NCBP2L: variants seen among roughly 807,000 people sequenced by gnomAD.
NCBP2L encodes nuclear cap-binding protein subunit 2-like.
For synonymous variants in NCBP2L, 39 were observed against 19.2 expected, an observed-to-expected ratio of 2.04 and a Z score of -2.70; for missense variants, 95 against 53.1, an observed-to-expected ratio of 1.79 and a Z score of -2.45.
intron 1 of NCBP2L, among the ~76,000 whole-genome samples, chrX:107,781,839 T>G (rs867302117): frequency 6.2e-4 from 61 of 97,786 alleles, no homozygotes; most frequent in African/African-American, 1.1e-3. Context: ...GAGAGATATA[T>G]ATATTTATAT....
intron 1 of NCBP2L, among the ~76,000 whole-genome samples, chrX:107,781,472 ATT>A (rs769639335): frequency 0.013 from 925 of 73,848 alleles, 15 homozygotes; most frequent in African/African-American, 0.058. Flanking sequence ...CGCCCGGCTA[ATT>A]TTTTTTTTTT....
chrX:107,780,969 A>G (rs1373510322), intron 1 of NCBP2L, among the ~76,000 whole-genome samples: 1 of 110,115 alleles, frequency 9.1e-6, no homozygotes, highest in East Asian at 2.8e-4. Context: ...TCTGTTGCCC[A>G]GAGCTGGAGT....
At chrX:107,781,692 C>CTCTATATATATATA (rs1395038482) in intron 1 of NCBP2L, among the ~76,000 whole-genome samples, 4 of 66,917 alleles carry the variant, frequency 6.0e-5, no homozygotes, top group Non-Finnish European at 1.0e-4. Context: ...CTCTCTCTCT[C>CTCTATATATATATA]TATATATATA....
rs1364481581 is a variant in NCBP2L, at chrX:107,795,262, A to G, written c.*580A>G. ...TTTGTTTCTTGGTAGTTTCCTCCAT[A>G]TCTCCAAATAACATGACTACTTACT... On this transcript the variant is annotated 3_prime_UTR_variant, in exon 2 of 2. Coordinates refer to ENST00000509000, the MANE Select transcript of NCBP2L (RefSeq NM_001348372.2). 7 of 111,918 alleles carry G rather than the reference A, an allele frequency of 6.3e-5. No individual in the cohort carries two copies. The highest frequency in any genetic ancestry group is 1.3e-4 in the Non-Finnish European group (7 of 53,315). The allele number at this position is 111,918 out of a possible 1,213,427, so 9.2% of individuals were successfully genotyped here.
At position 107,793,145 on chromosome X, in the gene NCBP2L, T is replaced by G. The variant is rs1315852676; in HGVS notation, c.-72-1004T>G. Among the ~76,000 whole-genome samples, 5 of 112,180 alleles carry G rather than the reference T, an allele frequency of 4.5e-5. No homozygotes were observed. The Admixed American group carries it at 4.7e-4, about 11-fold the overall frequency. On this transcript the variant is annotated intron_variant, in intron 1 of 1. Transcript: ENST00000509000. ...GCAAGTAGAGTGCTTATTAAATGTT[T>G]GTTAAGGGAATGCACTTCCTTAGCA...
chrX:107,782,385 ACC>A (rs1451782982), intron 1 of NCBP2L, among the ~76,000 whole-genome samples: 4 of 65,862 alleles, frequency 6.1e-5, no homozygotes, highest in Middle Eastern at 6.6e-3. Flanking sequence ...ATATATATAT[ACC>A]CACACATATA....
At chrX:107,783,855 C>CGTGTGT (rs1331533982) in intron 1 of NCBP2L, among the ~76,000 whole-genome samples, 3 of 79,857 alleles carry the variant, frequency 3.8e-5, no homozygotes, top group Admixed American at 1.3e-4. Context: ...GTCTGGTGTG[C>CGTGTGT]GTATGTGTGT....
At chrX:107,790,062 G>T (rs893862957) in intron 1 of NCBP2L, among the ~76,000 whole-genome samples, 1 of 109,973 alleles carries the variant, frequency 9.1e-6, no homozygotes, top group Non-Finnish European at 1.9e-5. Flanking sequence ...ATTCCAATCT[G>T]CCCTTCCTCC....
rs551147428 is a variant in NCBP2L, at chrX:107,789,686, C to T, written c.-72-4463C>T. 9.9e-4 allele frequency among the ~76,000 whole-genome samples: 111 copies of T among 111,739 alleles called. 4 individuals are homozygous for T. The South Asian group carries it at 0.042, about 42-fold the overall frequency. On this transcript the variant is annotated intron_variant, in intron 1 of 1. Coordinates refer to ENST00000509000, the MANE Select transcript of NCBP2L (RefSeq NM_001348372.2). ...AACATAATTGATTGCTCTCACCCTA[C>T]TTCTGTCCTCATGACTCTCATGACC...
chrX:107,780,221 C>T (rs1930247798), intron 1 of NCBP2L, among the ~76,000 whole-genome samples: 1 of 111,271 alleles, frequency 9.0e-6, no homozygotes, highest in African/African-American at 3.3e-5. Flanking sequence ...CCTGGGCATG[C>T]TAGCGTGCAT....
chrX:107,778,016 T>C (rs867191113), intron 1 of NCBP2L, among the ~76,000 whole-genome samples, 158 bp downstream of exon 1: 1 of 103,586 alleles, frequency 9.7e-6, no homozygotes, highest in Non-Finnish European at 2.0e-5. Context: ...TCTTCGCTTT[T>C]TTTTTTTTTA....
intron 1 of NCBP2L, among the ~76,000 whole-genome samples, chrX:107,779,733 C>T (rs946403525): frequency 1.2e-5 from 1 of 83,220 alleles, no homozygotes; most frequent in Non-Finnish European, 2.2e-5. Flanking sequence ...CAGCCTATCC[C>T]CTGAATTTTT....
At chrX:107,781,365 G>A (rs1462934769) in intron 1 of NCBP2L, among the ~76,000 whole-genome samples, 2 of 108,491 alleles carry the variant, frequency 1.8e-5, no homozygotes, top group Non-Finnish European at 3.8e-5. Flanking sequence ...GACTACAGGC[G>A]TGCAATCTCT....
chrX:107,792,113 C>G (rs963719194), intron 1 of NCBP2L, among the ~76,000 whole-genome samples: 1 of 112,277 alleles, frequency 8.9e-6, no homozygotes, highest in African/African-American at 3.2e-5. Flanking sequence ...GAGCCTTTGG[C>G]TCTCTGCTAG....
intron 1 of NCBP2L, among the ~76,000 whole-genome samples, chrX:107,786,883 A>G (rs1421356610): frequency 9.0e-6 from 1 of 111,182 alleles, no homozygotes; most frequent in Non-Finnish European, 1.9e-5. Context: ...CTTTATCTGG[A>G]TATATTGGGA....
intron 1 of NCBP2L, among the ~76,000 whole-genome samples, chrX:107,781,579 C>T (rs1930269616): frequency 1.0e-5 from 1 of 98,615 alleles, no homozygotes; most frequent in Non-Finnish European, 2.0e-5. Context: ...TCCCAAGGTG[C>T]TGGGATTACA....
chrX:107,784,002 A>G (rs1484275822), intron 1 of NCBP2L, among the ~76,000 whole-genome samples: 1 of 110,677 alleles, frequency 9.0e-6, no homozygotes, highest in Non-Finnish European at 1.9e-5. Flanking sequence ...GGGCATACCA[A>G]ACACAGATTG....
In NCBP2L at chrX:107,795,164, G is replaced by GC. The variant is rs1384046480; in HGVS notation, c.*486dup. ...TTGTAATAAAAACAAAAATCCTCCTGCCCCACCTCTTCCTATCCTACGCCT... is the reference window on the plus strand; with the variant it reads ...TTGTAATAAAAACAAAAATCCTCCTGCCCCCACCTCTTCCTATCCTACGCCT... On this transcript the variant is annotated 3_prime_UTR_variant, in exon 2 of 2. Transcript: ENST00000509000. 1 of 113,134 alleles carries GC rather than the reference G, an allele frequency of 8.8e-6. No individual in the cohort carries two copies. Among genetic ancestry groups the GC allele is most frequent in the Admixed American group, 9.3e-5 (1 of 10,730 alleles). The allele number at this position is 113,134 out of a possible 1,213,427, so 9.3% of individuals were successfully genotyped here.
intron 1 of NCBP2L, among the ~76,000 whole-genome samples, chrX:107,781,022 G>A (rs1378264874): frequency 2.7e-5 from 3 of 110,427 alleles, no homozygotes; most frequent in Middle Eastern, 4.6e-3. Flanking sequence ...GACCTCCTGG[G>A]CTCCAGGGGT....
Sources: gnomAD v4.1 joint callset for allele counts (sites outside exome capture counted in the v4.1 genomes callset) on GRCh38, gnomAD v4.1.1 for gene constraint, MANE v1.5 for transcripts, NCBI Gene and HGNC (gene_info 2026-07-23, HGNC 2026-07-21) for gene names.